MARCHF5: variants seen among roughly 807,000 people sequenced by gnomAD.
MARCHF5 encodes the protein membrane associated ring-CH-type finger 5.
Under a neutral mutation model 36.5 loss-of-function variants are expected in MARCHF5, and 5 were observed. The ratio of observed to expected loss-of-function variants is 0.14; its 90% confidence interval spans 0.07 to 0.29. MARCHF5 has a LOEUF of 0.29. Among genes scored for constraint, MARCHF5 ranks in the 10% least tolerant of loss-of-function variants. The pLI, the probability that MARCHF5 is intolerant of heterozygous loss-of-function variation, is 1.00. For missense variants in MARCHF5, 179 were observed against 336.3 expected (o/e 0.53, Z 3.66); for synonymous variants, 103 against 109.9 (o/e 0.94, Z 0.39).
At chr10:92,344,881 A>G (rs1412768255) in intron 3 of MARCHF5, among the ~76,000 whole-genome samples, 1 of 152,136 alleles carries the variant, frequency 6.6e-6, no homozygotes, top group Non-Finnish European at 1.5e-5. Context: ...GCACTGATGC[A>G]TTTAACCCTT....
intron 1 of MARCHF5, among the ~76,000 whole-genome samples, chr10:92,295,844 C>T (rs1174295305): frequency 2.0e-5 from 3 of 151,122 alleles, no homozygotes; most frequent in African/African-American, 4.9e-5. Context: ...CATATACATA[C>T]GTATATATAT....
At chr10:92,317,004 T>C (rs2135191699) in intron 2 of MARCHF5, among the ~76,000 whole-genome samples, 1 of 152,332 alleles carries the variant, frequency 6.6e-6, no homozygotes, top group Middle Eastern at 3.4e-3. Context: ...CTTTGAGACC[T>C]GGTAATAACC....
intron 2 of MARCHF5, chr10:92,333,626 G>T: frequency 1.0e-6 from 1 of 984,318 alleles, no homozygotes; most frequent in Non-Finnish European, 1.2e-6. Flanking sequence ...AAGCAAAGGG[G>T]TAAGTGTATT....
intron 3 of MARCHF5, among the ~76,000 whole-genome samples, chr10:92,343,706 A>C (rs1843607581): frequency 6.6e-6 from 1 of 152,176 alleles, no homozygotes; most frequent in Admixed American, 6.5e-5. Context: ...AGTAGCTGGG[A>C]TTACAGGCAT....
chr10:92,311,058 TTAAG>T (rs1319678290), intron 1 of MARCHF5, 73 bp from the exon 2 acceptor site: 53 of 1,031,202 alleles, frequency 5.1e-5, no homozygotes, highest in South Asian at 4.4e-4. Context: ...GCTCATCCCA[TTAAG>T]TAAGAGCTGC....
intron 2 of MARCHF5, chr10:92,333,670 A>G: frequency 1.0e-6 from 1 of 985,086 alleles, no homozygotes. Context: ...GCCTCATGGG[A>G]CATGGACAGG....
intron 1 of MARCHF5, among the ~76,000 whole-genome samples, chr10:92,293,815 T>C (rs968743754): frequency 4.6e-5 from 7 of 152,072 alleles, no homozygotes; most frequent in Admixed American, 1.3e-4. Flanking sequence ...TTAAAACTTA[T>C]TAACAGAAAT....
At position 92,352,595 on chromosome 10, in the gene MARCHF5, A is replaced by T. The variant is rs1291895588; in HGVS notation, c.*1388A>T. On this transcript the variant is annotated 3_prime_UTR_variant, in exon 6 of 6. Transcript: ENST00000358935. ...GTTCACAGTAATGCATGTCAATAAT[A>T]AATGTTTCCCCTTACTGATAAGCGG... is the stretch of plus-strand genomic sequence containing the variant. The T allele has an allele frequency of 2.0e-5, 3 of 152,262 alleles. No homozygotes were observed. The highest frequency in any genetic ancestry group is 7.2e-5 in the African/African-American group (3 of 41,470). The allele number at this position is 152,262 out of a possible 1,614,324, so 9.4% of individuals were successfully genotyped here. A position where few individuals can be genotyped will look rare whatever the true frequency, so the allele number is the denominator to read the frequency against.
intron 2 of MARCHF5, among the ~76,000 whole-genome samples, chr10:92,328,821 A>ATATATATT (rs372130854): frequency 8.2e-6 from 1 of 122,444 alleles, no homozygotes; most frequent in African/African-American, 3.2e-5. Flanking sequence ...ATATATATAT[A>ATATATATT]TTTTTTTTTT....
chr10:92,314,506 G>A (rs778539675), intron 2 of MARCHF5, among the ~76,000 whole-genome samples: 9 of 152,098 alleles, frequency 5.9e-5, no homozygotes, highest in Non-Finnish European at 1.3e-4. Context: ...GCCAGGCGTG[G>A]TGGCAGGCGC....
intron 2 of MARCHF5, among the ~76,000 whole-genome samples, chr10:92,315,625 A>G (rs140097564): frequency 3.9e-5 from 6 of 152,340 alleles, no homozygotes; most frequent in Non-Finnish European, 8.8e-5. Context: ...TTCACTGGTC[A>G]CAGCTCATTC....
chr10:92,303,260 A>G (rs1287715989), intron 1 of MARCHF5, among the ~76,000 whole-genome samples: 7 of 152,146 alleles, frequency 4.6e-5, no homozygotes, highest in Admixed American at 6.5e-5. Flanking sequence ...ATCCTTTCCC[A>G]ACTGGTTTGT....
intron 2 of MARCHF5, among the ~76,000 whole-genome samples, chr10:92,335,201 C>T (rs1843488906): frequency 6.6e-6 from 1 of 152,170 alleles, no homozygotes; most frequent in Non-Finnish European, 1.5e-5. Flanking sequence ...TTTTCTACTT[C>T]CCATAACTTT....
chr10:92,346,934 G>A (rs954014533), intron 3 of MARCHF5, among the ~76,000 whole-genome samples: 3 of 151,994 alleles, frequency 2.0e-5, no homozygotes, highest in Non-Finnish European at 4.4e-5. Flanking sequence ...CACATAACCC[G>A]ACAAAGGATT....
At chr10:92,322,675 C>G (rs950623727) in intron 2 of MARCHF5, among the ~76,000 whole-genome samples, 2 of 150,640 alleles carry the variant, frequency 1.3e-5, no homozygotes, top group Non-Finnish European at 2.9e-5. Flanking sequence ...TCTCATACTC[C>G]TGAGCTCAAG....
At chr10:92,346,264 A>G (rs1418307859) in intron 3 of MARCHF5, among the ~76,000 whole-genome samples, 1 of 152,086 alleles carries the variant, frequency 6.6e-6, no homozygotes, top group Non-Finnish European at 1.5e-5. Flanking sequence ...CACAGTGTAT[A>G]TATTTGCACA....
chr10:92,344,043 G>A (rs189071431), intron 3 of MARCHF5, among the ~76,000 whole-genome samples: 63 of 152,280 alleles, frequency 4.1e-4, no homozygotes, highest in African/African-American at 1.4e-3. Flanking sequence ...AAATGAGATT[G>A]AGTTATTTTC....
intron 2 of MARCHF5, among the ~76,000 whole-genome samples, chr10:92,334,865 T>C (rs1289585083): frequency 6.6e-6 from 1 of 152,140 alleles, no homozygotes; most frequent in Non-Finnish European, 1.5e-5. Flanking sequence ...AATATTAGGG[T>C]GTAGTTGTTC....
At chr10:92,327,360 A>G (rs1283982234) in intron 2 of MARCHF5, among the ~76,000 whole-genome samples, 9 of 151,950 alleles carry the variant, frequency 5.9e-5, no homozygotes, top group Non-Finnish European at 1.5e-5. Flanking sequence ...TTTAAAAAAA[A>G]AAACTGTGTT....
Sources: gnomAD v4.1 joint callset for allele counts (sites outside exome capture counted in the v4.1 genomes callset) on GRCh38, gnomAD v4.1.1 for gene constraint, MANE v1.5 for transcripts, NCBI Gene and HGNC (gene_info 2026-07-23, HGNC 2026-07-21) for gene names.